The following RICTOR variants were observed in gnomAD, a reference collection of about 807,000 sequenced individuals.
RICTOR encodes RPTOR independent companion of MTOR complex 2.
In RICTOR, 49 loss-of-function variants were observed where a neutral mutation model predicts 214.9. That is an observed-to-expected ratio of 0.23 (90% CI 0.18 to 0.29). RICTOR has a LOEUF of 0.29. RICTOR is among the 10% of genes least tolerant of loss of function. RICTOR has a pLI of 1.00. For synonymous variants in RICTOR, 717 were observed against 711.3 expected (o/e 1.01, Z -0.13); for missense variants, 1,625 against 2,047.0 (o/e 0.79, Z 3.98).
At chr5:39,073,118 T>C (rs1759443196) in intron 2 of RICTOR, among the ~76,000 whole-genome samples, 1 of 152,238 alleles carries the variant, frequency 6.6e-6, no homozygotes, top group South Asian at 2.1e-4. Flanking sequence ...TCATACAGAA[T>C]GTCTACAACA....
At chr5:38,975,977 A>T (rs1751199327) in intron 9 of RICTOR, among the ~76,000 whole-genome samples, 1 of 152,070 alleles carries the variant, frequency 6.6e-6, no homozygotes, top group Non-Finnish European at 1.5e-5. Context: ...AATCACACAC[A>T]CTGTTTACTT....
rs1484454295 is a variant in RICTOR, at chr5:38,942,382, G to C, written c.5053-4C>G. On this transcript the variant is annotated splice_polypyrimidine_tract_variant and splice_region_variant and intron_variant, in intron 37 of 37. Coordinates refer to ENST00000357387, the MANE Select transcript of RICTOR (RefSeq NM_152756.5). ...CAGCCTCTGCTTCTTCATGCATCTA[G>C]GGAAAAAATGGTGTATCATCAATTA... The C allele has an allele frequency of 2.6e-6, 4 of 1,568,012 alleles. No homozygotes were observed. Among genetic ancestry groups the C allele is most frequent in the Non-Finnish European group, 3.5e-6 (4 of 1,147,474 alleles).
rs2150230464 is a variant in RICTOR, at chr5:39,074,334, A to C, written c.44T>G (p.Val15Gly). 1 of 1,541,832 alleles carries C rather than the reference A, an allele frequency of 6.5e-7. No homozygotes were observed. Among genetic ancestry groups the C allele is most frequent in the Middle Eastern group, 1.7e-4 (1 of 5,920 alleles). The change falls in exon 1 of 38, where the codon GTA becomes GGA. Residue 15 changes from valine (V) to glycine (G), a missense_variant. By Grantham distance (109) the Val-to-Gly change is moderately radical. Around this residue, in one of 5 missense-constraint regions of RICTOR, gnomAD observed 71 missense variants for 57.9 expected, o/e 1.23. Transcript: ENST00000357387. ...GRGRSLKNLR[V>G]RGRNDSGEEN... Reference sequence around the variant, plus strand: ...GAGGGTTGCAGCGGGCTTACCTCGTACTCGGAGGTTCTTCAGAGAGCGGCC... The same window carrying C: ...GAGGGTTGCAGCGGGCTTACCTCGTCCTCGGAGGTTCTTCAGAGAGCGGCC...
Position 38,975,243 on chromosome 5 carries a change from TTGGTAAAGATCA to T in RICTOR, c.889+282_889+293del, listed in dbSNP as rs543841361. 9.2e-5 allele frequency among the ~76,000 whole-genome samples: 14 copies of T among 152,314 alleles called. No homozygotes were observed. In the South Asian group the frequency reaches 2.5e-3, roughly 27 times the overall value. Reference sequence around the variant, plus strand: ...TAACACTCAAGTTTTGTAGGTTTTTTTGGTAAAGATCATGCTTAAATTTTTTTAATTGCCCAG... The same window carrying T: ...TAACACTCAAGTTTTGTAGGTTTTTTTGCTTAAATTTTTTTAATTGCCCAG... On this transcript the variant is annotated intron_variant, in intron 10 of 37. Transcript: ENST00000357387.
intron 5 of RICTOR, among the ~76,000 whole-genome samples, chr5:38,999,231 G>A (rs1753430308): frequency 6.6e-6 from 1 of 151,600 alleles, no homozygotes; most frequent in South Asian, 2.1e-4. Context: ...GTGGGACAGT[G>A]AAAAGATCCA....
In RICTOR at chr5:38,990,713, T is replaced by TATATCAG. The variant is rs1561502478; in HGVS notation, c.583+235_583+236insCTGATAT. Among the ~76,000 whole-genome samples, 2 of 118,850 alleles carry TATATCAG rather than the reference T, an allele frequency of 1.7e-5. 1 individual carries two copies. Among genetic ancestry groups the TATATCAG allele is most frequent in the Non-Finnish European group, 3.5e-5 (2 of 57,182 alleles). 78.0% of individuals were successfully genotyped at this position (118,850 alleles called of 152,430 possible). On this transcript the variant is annotated intron_variant, in intron 7 of 37. Transcript: ENST00000357387. ...TATATGATATATATCAGATATGATA[T>TATATCAG]ATATGATATATATCATATATATGAT...
chr5:39,009,605 T>G (rs1234058303), intron 3 of RICTOR, among the ~76,000 whole-genome samples: 1 of 152,092 alleles, frequency 6.6e-6, no homozygotes, highest in Non-Finnish European at 1.5e-5. Flanking sequence ...ATGGTTAAAT[T>G]TAACCATTTA....
chr5:39,024,603 G>A (rs977551604), intron 2 of RICTOR, among the ~76,000 whole-genome samples: 2 of 152,218 alleles, frequency 1.3e-5, no homozygotes, highest in African/African-American at 4.8e-5. Flanking sequence ...ATAGAAGCTA[G>A]TGTGAAACTC....
At chr5:39,008,699 ACTG>A (rs1245696400) in intron 3 of RICTOR, among the ~76,000 whole-genome samples, 1 of 151,904 alleles carries the variant, frequency 6.6e-6, no homozygotes, top group Non-Finnish European at 1.5e-5. Flanking sequence ...TTTCTCCAGA[ACTG>A]CTAACTAAAA....
At chr5:38,969,084 C>T (rs1223720823) in intron 11 of RICTOR, among the ~76,000 whole-genome samples, 1 of 151,132 alleles carries the variant, frequency 6.6e-6, no homozygotes, top group Non-Finnish European at 1.5e-5. Context: ...ATTCTCCTGC[C>T]GCCAGCCTCC....
In RICTOR at chr5:39,007,875, T is replaced by C. The variant is rs537270425; in HGVS notation, c.196-4253A>G. Among the ~76,000 whole-genome samples, 155 of 150,320 alleles carry C rather than the reference T, an allele frequency of 1.0e-3. 1 individual carries two copies. Among genetic ancestry groups the C allele is most frequent in the Middle Eastern group, 7.0e-3 (2 of 286 alleles). On this transcript the variant is annotated intron_variant, in intron 3 of 37. Transcript: ENST00000357387. ...TTGTAAAATATTATTTTAAATATTA[T>C]TATATACTGGTAATGGGATTGAAAA...
rs1747209369 is a variant in RICTOR at position 38,938,513 on chromosome 5, TA to T, written c.*3790del. On this transcript the variant is annotated 3_prime_UTR_variant, in exon 38 of 38. Coordinates refer to ENST00000357387, the MANE Select transcript of RICTOR (RefSeq NM_152756.5). ...TATATTTTTGAAATTAAATATTCTATAAAGAAAGTAAAACAAAATGTGCAAT... is the reference window on the plus strand; with the variant it reads ...TATATTTTTGAAATTAAATATTCTATAAGAAAGTAAAACAAAATGTGCAAT... 4.3e-6 allele frequency: 1 copy of T among 232,522 alleles called. No individual in the cohort carries two copies. Among genetic ancestry groups the T allele is most frequent in the South Asian group, 1.8e-4 (1 of 5,528 alleles). The allele number at this position is 232,522 out of a possible 1,614,324, so 14.4% of individuals were successfully genotyped here.
chr5:38,942,721 G>T, intron 37 of RICTOR, 112 bp downstream of exon 37: 3 of 840,248 alleles, frequency 3.6e-6, no homozygotes, highest in Non-Finnish European at 5.7e-6. Context: ...CCCACAAAGT[G>T]CTGGGATTGT....
At chr5:39,064,471 T>C (rs80142674) in intron 2 of RICTOR, among the ~76,000 whole-genome samples, 4,015 of 152,310 alleles carry the variant, frequency 0.026, 81 homozygotes, top group South Asian at 0.082. Flanking sequence ...ATATAAAGTA[T>C]TTAGATTATA....
chr5:39,051,988 G>C (rs1169654245), intron 2 of RICTOR, among the ~76,000 whole-genome samples: 3 of 152,104 alleles, frequency 2.0e-5, no homozygotes, highest in Admixed American at 1.3e-4. Context: ...TCTGAATTTT[G>C]ATCTTTTCCT....
chr5:39,070,411 G>GT (rs1201105950), intron 2 of RICTOR, among the ~76,000 whole-genome samples: 1 of 152,120 alleles, frequency 6.6e-6, no homozygotes, highest in Non-Finnish European at 1.5e-5. Context: ...GGAGCTTGCA[G>GT]TGAGCCGAGA....
chr5:38,963,176 T>C, intron 16 of RICTOR, 135 bp from the exon 17 acceptor site: 1 of 594,060 alleles, frequency 1.7e-6, no homozygotes, highest in Non-Finnish European at 2.8e-6. Context: ...TTTCATCAAA[T>C]TTGGAGAGAC....
intron 2 of RICTOR, among the ~76,000 whole-genome samples, chr5:39,042,967 C>T (rs2150173152): frequency 6.6e-6 from 1 of 151,984 alleles, no homozygotes; most frequent in Non-Finnish European, 1.5e-5. Context: ...AAGAAAAAGA[C>T]AAAAAGTAAC....
At chr5:38,961,855 GCAT>G (rs1385372265) in intron 19 of RICTOR, among the ~76,000 whole-genome samples, 2 of 152,080 alleles carry the variant, frequency 1.3e-5, no homozygotes, top group Admixed American at 6.6e-5. Context: ...ATGAAGAACA[GCAT>G]CGTAGCTTAA....
Sources: gnomAD v4.1 joint callset for allele counts (sites outside exome capture counted in the v4.1 genomes callset) on GRCh38, gnomAD v4.1.1 for gene constraint, gnomAD v4.1.1 regional missense constraint, MANE v1.5 for transcripts, NCBI Gene and HGNC (gene_info 2026-07-23, HGNC 2026-07-21) for gene names.